RIC1: variants seen among roughly 807,000 people sequenced by gnomAD.
RIC1 encodes the protein guanine nucleotide exchange factor subunit RIC1.
A neutral mutation model predicts 169.0 loss-of-function variants in RIC1; 88 were observed. The ratio of observed to expected loss-of-function variants is 0.52; its 90% CI spans 0.44 to 0.62. The LOEUF (loss-of-function observed/expected upper bound fraction) is 0.62, where lower values mean the gene tolerates loss of function less well. Among genes scored for constraint, RIC1 ranks in the 20% least tolerant of loss-of-function variants. The pLI is 0.00. For missense variants in RIC1, 1,877 were observed against 1,725.5 expected (o/e 1.09, Z -1.56); for synonymous variants, 790 against 601.5 (o/e 1.31, Z -4.59).
chr9:5,720,331 A>C lies in RIC1; in HGVS notation c.583+7A>C. 6.2e-7 allele frequency: 1 copy of C among 1,609,230 alleles called. No individual in the cohort carries two copies. On this transcript the variant is annotated splice_region_variant and intron_variant, in intron 5 of 25. Coordinates refer to ENST00000414202, the MANE Select transcript of RIC1 (RefSeq NM_020829.4). ...GACCTGCAGTCATCTAGAGGTAGCT[A>C]TACTTTCTACATGAGGTTGAACCAG... is the stretch of plus-strand genomic sequence containing the variant.
At position 5,629,438 on chromosome 9, in the gene RIC1, C is replaced by T; in HGVS notation, c.129C>T (p.Ser43=). 3 of 1,533,458 alleles carry T rather than the reference C, an allele frequency of 2.0e-6. No individual in the cohort carries two copies. The highest frequency in any genetic ancestry group is 1.2e-5 in the South Asian group (1 of 83,620). The allele number at this position is 1,533,458 out of a possible 1,614,324, so 95.0% of individuals were successfully genotyped here. The change falls in exon 1 of 26, where the codon AGC becomes AGT. Residue 43 remains serine (S), a synonymous_variant. Transcript: ENST00000414202. ...CCGTGCTGGCCGCGGCCCGCCTCAGCATCTGGTACAGCCGAGTAAGTAGAG... is the reference window on the plus strand; with the variant it reads ...CCGTGCTGGCCGCGGCCCGCCTCAGTATCTGGTACAGCCGAGTAAGTAGAG... ...FFAVLAAARL[S]IWYSRPSVLI...
rs747903848 is a variant in RIC1, at chr9:5,629,274, G to A, written c.-36G>A. 6.9e-7 allele frequency: 1 copy of A among 1,446,916 alleles called. No homozygotes were observed. Among genetic ancestry groups the A allele is most frequent in the Non-Finnish European group, 9.1e-7 (1 of 1,098,394 alleles). 89.6% of individuals were successfully genotyped at this position (1,446,916 alleles called of 1,614,324 possible). Reference sequence around the variant, plus strand: ...CAGCCCGGGGCCGCTGAGTGTGACGGACGCAACTGGGGGCGCCGGGGGCTC... The same window carrying A: ...CAGCCCGGGGCCGCTGAGTGTGACGAACGCAACTGGGGGCGCCGGGGGCTC... On this transcript the variant is annotated 5_prime_UTR_variant, in exon 1 of 26. Coordinates refer to ENST00000414202, the MANE Select transcript of RIC1 (RefSeq NM_020829.4).
intron 4 of RIC1, among the ~76,000 whole-genome samples, chr9:5,718,199 A>C (rs1823384190): frequency 6.6e-6 from 1 of 151,776 alleles, no homozygotes. Context: ...TGGAAAATAA[A>C]GTTTAGTAGG....
At chr9:5,639,554 G>T (rs1288928911) in intron 1 of RIC1, among the ~76,000 whole-genome samples, 1 of 152,196 alleles carries the variant, frequency 6.6e-6, no homozygotes, top group Non-Finnish European at 1.5e-5. Flanking sequence ...AAGAATGTGT[G>T]TTCTGCACCC....
chr9:5,679,440 A>G (rs542112407), intron 2 of RIC1, among the ~76,000 whole-genome samples: 9 of 152,242 alleles, frequency 5.9e-5, no homozygotes, highest in African/African-American at 1.9e-4. Context: ...CAGTATGGCT[A>G]TTTTCACGAT....
intron 3 of RIC1, chr9:5,712,894 C>T (rs1238947319): frequency 6.6e-6 from 1 of 152,100 alleles, no homozygotes; most frequent in Non-Finnish European, 1.5e-5. Context: ...TAAGTAAGTA[C>T]TCCAGTTCAT....
intron 6 of RIC1, among the ~76,000 whole-genome samples, chr9:5,729,402 C>G (rs922977193): frequency 6.6e-6 from 1 of 152,134 alleles, no homozygotes; most frequent in East Asian, 1.9e-4. Context: ...CTTTCAAAGA[C>G]CCCTGAATTC....
At chr9:5,676,532 G>C (rs1386330166) in intron 2 of RIC1, among the ~76,000 whole-genome samples, 2 of 152,144 alleles carry the variant, frequency 1.3e-5, no homozygotes, top group South Asian at 2.1e-4. Context: ...GAGAGGTTAA[G>C]TAACCTGCTC....
Position 5,629,181 on chromosome 9 carries a change from G to C in RIC1, c.-129G>C. ...CGGCCCGGCCCGGCCAGGCCAGCGG[G>C]CAGATGCCCCGAGCTGCCGCCGCCG... On this transcript the variant is annotated 5_prime_UTR_variant, in exon 1 of 26. Coordinates refer to ENST00000414202, the MANE Select transcript of RIC1 (RefSeq NM_020829.4). The C allele has an allele frequency of 1.1e-6, 1 of 926,422 alleles. No homozygotes were observed. Among genetic ancestry groups the C allele is most frequent in the Non-Finnish European group, 1.4e-6 (1 of 699,388 alleles). The allele number at this position is 926,422 out of a possible 1,614,324, so 57.4% of individuals were successfully genotyped here. A position where few individuals can be genotyped will look rare whatever the true frequency, so the allele number is the denominator to read the frequency against.
intron 1 of RIC1, among the ~76,000 whole-genome samples, chr9:5,640,073 CTAT>C (rs773348138): frequency 6.6e-6 from 1 of 152,086 alleles, no homozygotes; most frequent in Non-Finnish European, 1.5e-5. Flanking sequence ...GTATTCAATG[CTAT>C]TATTGATAAG....
At chr9:5,722,547 C>T (rs867813019) in intron 6 of RIC1, among the ~76,000 whole-genome samples, 11 of 151,938 alleles carry the variant, frequency 7.2e-5, no homozygotes, top group Admixed American at 2.6e-4. Flanking sequence ...ATCAGAGATC[C>T]CTTTCTAAAT....
At position 5,636,900 on chromosome 9, in the gene RIC1, A is replaced by G. The variant is rs1817997666; in HGVS notation, c.144+7447A>G. 3.9e-5 allele frequency among the ~76,000 whole-genome samples: 6 copies of G among 152,144 alleles called. 1 individual carries two copies. The highest frequency in any genetic ancestry group is 3.3e-4 in the Admixed American group (5 of 15,280). ...GAGCACAGAAACTATCTTAATTTGT[A>G]TTATCTATAGTGCCTTGTACAAGGA... On this transcript the variant is annotated intron_variant, in intron 1 of 25. Transcript: ENST00000414202.
intron 3 of RIC1, among the ~76,000 whole-genome samples, chr9:5,708,690 T>C (rs995896945): frequency 6.6e-6 from 1 of 152,166 alleles, no homozygotes; most frequent in Non-Finnish European, 1.5e-5. Flanking sequence ...CTCTTCGTTT[T>C]TTTGACAGTT....
intron 22 of RIC1, 76 bp from the exon 23 acceptor site, chr9:5,770,011 A>G: frequency 7.6e-7 from 1 of 1,322,560 alleles, no homozygotes; most frequent in Non-Finnish European, 1.0e-6. Context: ...GGAAGCTAAA[A>G]GAGCTGAATT....
At chr9:5,643,198 T>C (rs1818335420) in intron 1 of RIC1, among the ~76,000 whole-genome samples, 1 of 152,166 alleles carries the variant, frequency 6.6e-6, no homozygotes. Flanking sequence ...TCTCAGCTAA[T>C]CTGGTGGCTG....
intron 25 of RIC1, 86 bp downstream of exon 25, chr9:5,773,166 A>T (rs1260284659): frequency 1.7e-6 from 1 of 573,970 alleles, no homozygotes. Context: ...GTTATGGTTC[A>T]TGTGTTACAT....
chr9:5,743,557 T>C, intron 9 of RIC1, 132 bp from the exon 10 acceptor site: 1 of 705,944 alleles, frequency 1.4e-6, no homozygotes, highest in Non-Finnish European at 2.4e-6. Flanking sequence ...CACAGTTTTG[T>C]ATTTCATGCA....
intron 12 of RIC1, among the ~76,000 whole-genome samples, chr9:5,751,982 C>G (rs1436805956): frequency 1.3e-5 from 2 of 152,142 alleles, no homozygotes; most frequent in Non-Finnish European, 2.9e-5. Flanking sequence ...CAGATCGAAG[C>G]TTTTCTTATT....
At chr9:5,749,265 G>A (rs1290954430) in intron 12 of RIC1, among the ~76,000 whole-genome samples, 3 of 152,166 alleles carry the variant, frequency 2.0e-5, no homozygotes, top group Non-Finnish European at 2.9e-5. Flanking sequence ...CTTAGAATTC[G>A]CCTATTTGGC....
Sources: allele counts gnomAD v4.1 joint callset (sites outside exome capture counted in the v4.1 genomes callset), GRCh38; gene constraint gnomAD v4.1.1; transcripts MANE v1.5; gene names NCBI Gene and HGNC (gene_info 2026-07-23, HGNC 2026-07-21).